Variants in LARGE1 observed in about 807,000 individuals in gnomAD.
The protein encoded by LARGE1 is LARGE xylosyl- and glucuronyltransferase 1, also known as xylosyl- and glucuronyltransferase LARGE1.
Under a neutral mutation model 87.6 loss-of-function variants are expected in LARGE1, and 43 were observed. The observed-to-expected ratio is 0.49, with a 90% CI of 0.38 to 0.63. The LOEUF (loss-of-function observed/expected upper bound fraction) is 0.63. LARGE1 is among the 30% of genes least tolerant of loss of function. The pLI is 0.00. For missense variants in LARGE1, 802 were observed against 1,000.2 expected, an observed-to-expected ratio of 0.80 and a Z score of 2.67; for synonymous variants, 434 against 394.6, an observed-to-expected ratio of 1.10 and a Z score of -1.18.
At position 33,381,955 on chromosome 22, in the gene LARGE1, G is replaced by A. The variant is rs775639749; in HGVS notation, c.1095C>T (p.Arg365=). ...ACACGTCTCTGTAGCACTGCTCGGA[G>A]CGGGTGTGGTCTGACAGCTGCACAT... ...FWNVQLSDHT[R]SEQCYRDVSD... The change falls in exon 9 of 15, where the codon CGC becomes CGT. Residue 365 remains arginine (R), a synonymous_variant. Coordinates refer to ENST00000397394, the MANE Select transcript of LARGE1 (RefSeq NM_133642.5). The A allele has an allele frequency of 8.1e-6, 13 of 1,614,152 alleles. No individual in the cohort carries two copies. In the South Asian group the frequency reaches 1.3e-4, roughly 16 times the overall value.
At chr22:33,480,710 G>C (rs969150137) in intron 6 of LARGE1, among the ~76,000 whole-genome samples, 1 of 151,992 alleles carries the variant, frequency 6.6e-6, no homozygotes, top group African/African-American at 2.4e-5. Context: ...AACACAAAAA[G>C]AGTAAGTTAC....
chr22:33,791,661 GA>G (rs1210384515), intron 1 of LARGE1, among the ~76,000 whole-genome samples: 1 of 152,132 alleles, frequency 6.6e-6, no homozygotes, highest in East Asian at 1.9e-4. Flanking sequence ...ATTTCTGTTG[GA>G]AAAATGCTGC....
chr22:33,430,522 T>C (rs1462841030), intron 7 of LARGE1, among the ~76,000 whole-genome samples: 1 of 151,678 alleles, frequency 6.6e-6, no homozygotes. Flanking sequence ...GAATCTGGAG[T>C]CTGTGAAGGG....
intron 7 of LARGE1, among the ~76,000 whole-genome samples, chr22:33,395,929 G>A (rs115506061): frequency 1.5e-3 from 232 of 152,270 alleles, no homozygotes; most frequent in African/African-American, 3.7e-3. Context: ...AGGTGGTTAC[G>A]GCTTCCAACA....
chr22:33,564,040 G>A (rs1230744383), intron 6 of LARGE1, among the ~76,000 whole-genome samples: 1 of 152,138 alleles, frequency 6.6e-6, no homozygotes, highest in East Asian at 1.9e-4. Context: ...GGAGCTAAGA[G>A]GAATGGCAGA....
intron 2 of LARGE1, among the ~76,000 whole-genome samples, chr22:33,698,244 T>G (rs1416008560): frequency 2.0e-5 from 3 of 151,186 alleles, no homozygotes; most frequent in Non-Finnish European, 4.4e-5. Context: ...GGCTAATTTT[T>G]GTATTTTTTT....
At chr22:33,567,695 G>A (rs1365343914) in intron 5 of LARGE1, among the ~76,000 whole-genome samples, 3 of 152,138 alleles carry the variant, frequency 2.0e-5, no homozygotes, top group Non-Finnish European at 4.4e-5. Context: ...TGGACTTCCA[G>A]TATACCTGTC....
intron 11 of LARGE1, among the ~76,000 whole-genome samples, chr22:33,223,141 A>G (rs1392271354): frequency 1.3e-5 from 2 of 152,218 alleles, no homozygotes; most frequent in African/African-American, 4.8e-5. Flanking sequence ...AGTATCATTC[A>G]TAATAACGGT....
chr22:33,453,507 T>C (rs181366360), intron 6 of LARGE1, among the ~76,000 whole-genome samples: 80 of 152,204 alleles, frequency 5.3e-4, no homozygotes, highest in African/African-American at 1.7e-3. Context: ...CTACCACCAC[T>C]GGTGGTGAGA....
intron 2 of LARGE1, among the ~76,000 whole-genome samples, chr22:33,655,672 T>C (rs761569113): frequency 2.0e-5 from 3 of 152,170 alleles, no homozygotes; most frequent in Non-Finnish European, 2.9e-5. Flanking sequence ...GATCACACCT[T>C]GAGTGGCACC....
chr22:33,734,014 G>A (rs550164849), intron 2 of LARGE1, among the ~76,000 whole-genome samples: 1 of 152,326 alleles, frequency 6.6e-6, no homozygotes, highest in Admixed American at 6.5e-5. Flanking sequence ...GTTCTGAAGG[G>A]TGTCAGGGAG....
intron 1 of LARGE1, among the ~76,000 whole-genome samples, chr22:33,820,126 T>C (rs1318869760): frequency 6.6e-6 from 1 of 152,106 alleles, no homozygotes; most frequent in Admixed American, 6.6e-5. Flanking sequence ...CATTATGAAT[T>C]TGGGGGTCCA....
intron 12 of LARGE1, among the ~76,000 whole-genome samples, chr22:33,303,707 C>T (rs1361248019): frequency 1.3e-5 from 2 of 151,958 alleles, no homozygotes; most frequent in South Asian, 2.1e-4. Context: ...CTGCAACCTC[C>T]GACTCCCTGG....
At chr22:33,372,532 A>G (rs1316262404) in intron 9 of LARGE1, among the ~76,000 whole-genome samples, 1 of 152,192 alleles carries the variant, frequency 6.6e-6, no homozygotes, top group African/African-American at 2.4e-5. Flanking sequence ...ACAGAGTGAG[A>G]GCCAAGCAAT....
intron 11 of LARGE1, among the ~76,000 whole-genome samples, chr22:33,309,508 TCCA>T (rs969557722): frequency 3.9e-5 from 6 of 152,214 alleles, no homozygotes; most frequent in East Asian, 1.9e-4. Flanking sequence ...GCTGGCTCCT[TCCA>T]CCACGTGAGG....
intron 3 of LARGE1, among the ~76,000 whole-genome samples, chr22:33,647,903 G>A (rs1368011818): frequency 6.6e-6 from 1 of 152,020 alleles, no homozygotes; most frequent in East Asian, 1.9e-4. Flanking sequence ...GACTACAGAT[G>A]CGCGCCACCA....
At chr22:33,736,089 T>C (rs1046619572) in intron 2 of LARGE1, among the ~76,000 whole-genome samples, 1 of 152,232 alleles carries the variant, frequency 6.6e-6, no homozygotes, top group Admixed American at 6.5e-5. Flanking sequence ...TGAATAATGC[T>C]GTCTTGAAAA....
At chr22:33,507,019 CACAGGCTG>C (rs1319886456) in intron 6 of LARGE1, among the ~76,000 whole-genome samples, 1 of 152,202 alleles carries the variant, frequency 6.6e-6, no homozygotes, top group African/African-American at 2.4e-5. Context: ...TTAAGGTACT[CACAGGCTG>C]AAGAGGGAGT....
chr22:33,626,393 T>A, intron 3 of LARGE1, 67 bp from the exon 4 acceptor site: 2 of 1,272,872 alleles, frequency 1.6e-6, no homozygotes, highest in Non-Finnish European at 2.3e-6. Context: ...GTGCTTCAGA[T>A]CACACTAGAA....
Sources: allele counts gnomAD v4.1 joint callset (sites outside exome capture counted in the v4.1 genomes callset), GRCh38; gene constraint gnomAD v4.1.1; transcripts MANE v1.5; gene names NCBI Gene and HGNC (gene_info 2026-07-23, HGNC 2026-07-21).